The following PCDHA6 variants were observed in gnomAD, a reference collection of about 807,000 sequenced individuals.
PCDHA6 encodes the protein protocadherin alpha 6, also known as protocadherin alpha-6.
PCDHA6 carries 55 observed loss-of-function variants against 60.3 expected under a neutral mutation model. The observed-to-expected ratio is 0.91, with a 90% CI of 0.73 to 1.14. The LOEUF (loss-of-function observed/expected upper bound fraction) is 1.14. PCDHA6 is among the 50% of genes most tolerant of loss of function. The pLI is 0.00. For missense variants in PCDHA6, 1,327 were observed against 1,256.5 expected, an observed-to-expected ratio of 1.06 and a Z score of -0.85; for synonymous variants, 652 against 557.9, an observed-to-expected ratio of 1.17 and a Z score of -2.38.
At chr5:140,926,964 C>T (rs149218057) in intron 1 of PCDHA6, 1 of 1,606,346 alleles carries the variant, frequency 6.2e-7, no homozygotes, top group Non-Finnish European at 8.5e-7. Flanking sequence ...AGCTCGAGTA[C>T]TCAGTGCCGG....
In PCDHA6 at chr5:140,850,552, C is replaced by A. The variant is rs112046100; in HGVS notation, c.2394+20067C>A. On this transcript the variant is annotated intron_variant, in intron 1 of 3. Coordinates refer to ENST00000529310, the MANE Select transcript of PCDHA6 (RefSeq NM_018909.4). ...TCATCGTCGCGGGCGTCAGTGGGTG[C>A]CACGGGCCCCGAGGTGACGCTGGTG... is the stretch of plus-strand genomic sequence containing the variant. 1,841 of 1,598,232 alleles carry A rather than the reference C, an allele frequency of 1.2e-3. 121 individuals carry two copies. The African/African-American group carries it at 0.021, about 18-fold the overall frequency.
intron 1 of PCDHA6, among the ~76,000 whole-genome samples, chr5:140,888,497 A>C (rs2061848830): frequency 6.6e-6 from 1 of 152,250 alleles, no homozygotes; most frequent in Non-Finnish European, 1.5e-5. Flanking sequence ...ACTCTGCTTT[A>C]AAGAGTCTTG....
At chr5:140,928,400 C>T (rs1441591334) in intron 1 of PCDHA6, 15 of 1,614,038 alleles carry the variant, frequency 9.3e-6, no homozygotes, top group Non-Finnish European at 1.3e-5. Context: ...GTGGAATCAT[C>T]CAGTGGGGCC....
rs1554231844 is a variant in PCDHA6, at chr5:140,969,454, A to G, written c.2395-9495A>G. On this transcript the variant is annotated intron_variant, in intron 1 of 3. Coordinates refer to ENST00000529310, the MANE Select transcript of PCDHA6 (RefSeq NM_018909.4). ...AAGAGTTATCTGGTAAACTGAGTAT[A>G]TATAGTATCCACAATTTGATCATAA... 7.9e-6 allele frequency: 12 copies of G among 1,511,706 alleles called. No individual in the cohort carries two copies. The South Asian group carries it at 9.0e-5, about 11-fold the overall frequency. The allele number at this position is 1,511,706 out of a possible 1,614,324, so 93.6% of individuals were successfully genotyped here.
chr5:140,916,840 C>G (rs1350788875), intron 1 of PCDHA6, among the ~76,000 whole-genome samples: 1 of 152,128 alleles, frequency 6.6e-6, no homozygotes, highest in African/African-American at 2.4e-5. Context: ...TGGTTCTGAG[C>G]CCAGCCCAGC....
At chr5:141,003,515 G>T (rs1402480495) in intron 3 of PCDHA6, among the ~76,000 whole-genome samples, 1 of 152,114 alleles carries the variant, frequency 6.6e-6, no homozygotes, top group African/African-American at 2.4e-5. Context: ...GTTTCACCAT[G>T]TTCCCTAGGC....
At position 140,835,665 on chromosome 5, in the gene PCDHA6, C is replaced by A. The variant is rs2150241242; in HGVS notation, c.2394+5180C>A. On this transcript the variant is annotated intron_variant, in intron 1 of 3. Coordinates refer to ENST00000529310, the MANE Select transcript of PCDHA6 (RefSeq NM_018909.4). ...CGCCTATGAGCTGGTGGTTACCGCG[C>A]GGGACGGGGGCTCGCCTTCTCTGTG... 5 of 1,613,890 alleles carry A rather than the reference C, an allele frequency of 3.1e-6. No individual in the cohort carries two copies. In the East Asian group the frequency reaches 6.7e-5, roughly 22 times the overall value.
chr5:140,903,023 G>A (rs1554190732), intron 1 of PCDHA6, among the ~76,000 whole-genome samples: 1 of 152,126 alleles, frequency 6.6e-6, no homozygotes, highest in East Asian at 1.9e-4. Context: ...TATCAACATG[G>A]CTTGCACATG....
chr5:140,836,523 AC>A, intron 1 of PCDHA6: 18 of 1,613,762 alleles, frequency 1.1e-5, no homozygotes, highest in Non-Finnish European at 1.4e-5. Context: ...GTTGGTGCTT[AC>A]CCTGCTGCTG....
chr5:140,896,536 CTT>C (rs34213614), intron 1 of PCDHA6, among the ~76,000 whole-genome samples: 1 of 145,640 alleles, frequency 6.9e-6, no homozygotes. Flanking sequence ...AGCTATTTTT[CTT>C]TTTTTTTTTT....
rs1380123980 is a variant in PCDHA6 at position 140,841,792 on chromosome 5, G to T, written c.2394+11307G>T. On this transcript the variant is annotated intron_variant, in intron 1 of 3. Coordinates refer to ENST00000529310, the MANE Select transcript of PCDHA6 (RefSeq NM_018909.4). ...ACTCTCGGTTTCCGCTAGAGGGCGCGTCCGATGCAGATGTTGGAGCTAACT... is the reference window on the plus strand; with the variant it reads ...ACTCTCGGTTTCCGCTAGAGGGCGCTTCCGATGCAGATGTTGGAGCTAACT... 5.6e-6 allele frequency: 9 copies of T among 1,613,798 alleles called. No homozygotes were observed. The South Asian group carries it at 7.7e-5, about 14-fold the overall frequency.
chr5:140,875,826 T>C lies in PCDHA6; in HGVS notation c.2394+45341T>C, dbSNP rs367888868. ...TGGACAGGCCGCTGCAGGTTTTCCA[T>C]GTGGACGTGGAGGTGAAGGACATTA... is the stretch of plus-strand genomic sequence containing the variant. On this transcript the variant is annotated intron_variant, in intron 1 of 3. Coordinates refer to ENST00000529310, the MANE Select transcript of PCDHA6 (RefSeq NM_018909.4). 25 of 1,614,126 alleles carry C rather than the reference T, an allele frequency of 1.5e-5. No homozygotes were observed. In the African/African-American group the frequency reaches 2.3e-4, roughly 15 times the overall value.
At chr5:140,905,033 T>C (rs1325621385) in intron 1 of PCDHA6, among the ~76,000 whole-genome samples, 3 of 152,234 alleles carry the variant, frequency 2.0e-5, no homozygotes, top group African/African-American at 7.2e-5. Context: ...AGAAGCTTTT[T>C]AGTTTAATTA....
intron 1 of PCDHA6, among the ~76,000 whole-genome samples, chr5:140,939,496 T>C (rs1056805885): frequency 4.6e-5 from 7 of 150,952 alleles, no homozygotes; most frequent in African/African-American, 1.5e-4. Context: ...AATTATAAAT[T>C]CAATGTCTAT....
chr5:140,899,123 A>T (rs1190536862), intron 1 of PCDHA6, among the ~76,000 whole-genome samples: 6 of 152,240 alleles, frequency 3.9e-5, no homozygotes, highest in Non-Finnish European at 7.3e-5. Flanking sequence ...ATATACAATC[A>T]TGTCTTCTGC....
intron 1 of PCDHA6, among the ~76,000 whole-genome samples, chr5:140,905,949 A>T (rs897929607): frequency 2.0e-5 from 3 of 152,242 alleles, no homozygotes; most frequent in African/African-American, 7.2e-5. Context: ...TTGGAATCCG[A>T]TGTTCAAGGG....
At chr5:140,908,726 G>A (rs1304356386) in intron 1 of PCDHA6, among the ~76,000 whole-genome samples, 3 of 152,188 alleles carry the variant, frequency 2.0e-5, no homozygotes, top group African/African-American at 4.8e-5. Flanking sequence ...TGGGTCATAT[G>A]GCTCGAGAAA....
intron 1 of PCDHA6, chr5:140,928,095 G>T (rs782045221): frequency 1.9e-6 from 3 of 1,614,190 alleles, no homozygotes; most frequent in Non-Finnish European, 1.7e-6. Flanking sequence ...TGATTGATGG[G>T]CCCCTGGACC....
chr5:140,940,164 AT>A (rs1407801775), intron 1 of PCDHA6, among the ~76,000 whole-genome samples: 1 of 152,170 alleles, frequency 6.6e-6, no homozygotes, highest in African/African-American at 2.4e-5. Flanking sequence ...TTTGCCTGAA[AT>A]GTCATTCTTG....
Sources: gnomAD v4.1 joint callset for allele counts (sites outside exome capture counted in the v4.1 genomes callset) on GRCh38, gnomAD v4.1.1 for gene constraint, MANE v1.5 for transcripts, NCBI Gene and HGNC (gene_info 2026-07-23, HGNC 2026-07-21) for gene names.